Variants in OPA1 observed in about 807,000 individuals in gnomAD.
The protein encoded by OPA1 is OPA1 mitochondrial dynamin like GTPase.
OPA1 carries 59 observed loss-of-function variants against 152.9 expected under a neutral mutation model. The observed-to-expected ratio is 0.39, with a 90% CI of 0.31 to 0.48. OPA1 has a LOEUF of 0.48. Ranked by LOEUF, OPA1 falls within the 20% of genes least tolerant of loss-of-function variation. OPA1 has a pLI of 0.96. For synonymous variants in OPA1, 400 were observed against 389.9 expected (o/e 1.03, Z -0.31); for missense variants, 1,008 against 1,216.8 (o/e 0.83, Z 2.55).
chr3:193,637,191 A>G lies in OPA1; in HGVS notation c.949-4A>G, dbSNP rs747993602. 7.1e-6 allele frequency: 11 copies of G among 1,549,394 alleles called. No individual in the cohort carries two copies. The highest frequency in any genetic ancestry group is 2.3e-5 in the East Asian group (1 of 44,002). On this transcript the variant is annotated splice_polypyrimidine_tract_variant and splice_region_variant and intron_variant, in intron 9 of 30. Coordinates refer to ENST00000361510, the MANE Select transcript of OPA1 (RefSeq NM_130837.3). ...TATATTATAACTTTTTAAAATTTTT[A>G]CAGAAATCTTTGATTGACATGTATT...
intron 29 of OPA1, among the ~76,000 whole-genome samples, chr3:193,675,951 G>A (rs1233844008): frequency 6.6e-6 from 1 of 152,198 alleles, no homozygotes; most frequent in African/African-American, 2.4e-5. Context: ...TGTCTTGCCA[G>A]AAAGTTACTG....
intron 29 of OPA1, among the ~76,000 whole-genome samples, chr3:193,681,971 G>C (rs979074606): frequency 6.6e-6 from 1 of 152,154 alleles, no homozygotes; most frequent in African/African-American, 2.4e-5. Flanking sequence ...GAAAGAAAGA[G>C]TGCCATATTT....
At position 193,695,554 on chromosome 3, in the gene OPA1, G is replaced by A. The variant is rs1014980490; in HGVS notation, c.*954G>A. On this transcript the variant is annotated 3_prime_UTR_variant, in exon 31 of 31. Transcript: ENST00000361510. ...AGTAATGTTGACCATCCCCCTCTCA[G>A]CTGAATAAAGAAAAATTTAGTTCAA... 5 of 151,966 alleles carry A rather than the reference G, an allele frequency of 3.3e-5. No individual in the cohort carries two copies. Among genetic ancestry groups the A allele is most frequent in the African/African-American group, 1.2e-4 (5 of 41,356 alleles). The allele number at this position is 151,966 out of a possible 1,614,324, so 9.4% of individuals were successfully genotyped here.
chr3:193,678,801 T>G (rs1719623974), intron 29 of OPA1, among the ~76,000 whole-genome samples: 1 of 152,164 alleles, frequency 6.6e-6, no homozygotes, highest in Non-Finnish European at 1.5e-5. Context: ...GTGTATTCAT[T>G]ATATCCCCTT....
chr3:193,608,310 G>C (rs1727620650), intron 1 of OPA1, among the ~76,000 whole-genome samples: 1 of 152,082 alleles, frequency 6.6e-6, no homozygotes, highest in South Asian at 2.1e-4. Context: ...GTCAATTTTA[G>C]ATCTTTCCTA....
chr3:193,624,502 G>T (rs1041841972), intron 6 of OPA1, among the ~76,000 whole-genome samples: 2 of 151,972 alleles, frequency 1.3e-5, no homozygotes, highest in African/African-American at 2.4e-5. Context: ...AATAAATCAG[G>T]TTACTCTTCT....
chr3:193,672,316 A>G (rs1718108693), intron 29 of OPA1, among the ~76,000 whole-genome samples: 1 of 152,206 alleles, frequency 6.6e-6, no homozygotes, highest in Admixed American at 6.5e-5. Flanking sequence ...GTATCTGGGC[A>G]TCAATAACAA....
rs886412049 is a variant in OPA1 at position 193,648,175 on chromosome 3, T to G, written c.1935+41T>G. 4.1e-6 allele frequency: 6 copies of G among 1,463,136 alleles called. No individual in the cohort carries two copies. The Admixed American group carries it at 1.0e-4, about 24-fold the overall frequency. The allele number at this position is 1,463,136 out of a possible 1,614,324, so 90.6% of individuals were successfully genotyped here. On this transcript the variant is annotated intron_variant, in intron 20 of 30. Coordinates refer to ENST00000361510, the MANE Select transcript of OPA1 (RefSeq NM_130837.3). ...TCGTGTATTTTGTATATATCTTAAT[T>G]TAATGTTGTTTGCTAACTAAATTTA...
At chr3:193,627,633 G>C (rs1186241409) in intron 7 of OPA1, among the ~76,000 whole-genome samples, 1 of 152,020 alleles carries the variant, frequency 6.6e-6, no homozygotes, top group Admixed American at 6.6e-5. Context: ...AGTCCCATAG[G>C]CCTGCTATTT....
At position 193,691,998 on chromosome 3, in the gene OPA1, T is replaced by C. The variant is rs1179805275; in HGVS notation, c.2984-65T>C. On this transcript the variant is annotated intron_variant, in intron 29 of 30. Transcript: ENST00000361510. ...TTAAGTATACCAACCATTTAGTAAA[T>C]AATTACCTCCTGATTTGTGATACCT... 3.1e-6 allele frequency: 3 copies of C among 981,240 alleles called. No individual in the cohort carries two copies. The Admixed American group carries it at 6.3e-5, about 21-fold the overall frequency. The allele number at this position is 981,240 out of a possible 1,614,324, so 60.8% of individuals were successfully genotyped here. A position where few individuals can be genotyped will look rare whatever the true frequency, so the allele number is the denominator to read the frequency against.
rs769834896 is a variant in OPA1 at position 193,645,557 on chromosome 3, A to G, written c.1613A>G (p.Gln538Arg). The change falls in exon 17 of 31, where the codon CAG (glutamine) becomes CGG (arginine). Residue 538 changes from glutamine (Q) to arginine (R), a missense_variant. Physicochemically the swap from Gln to Arg is conservative, Grantham distance 43. Transcript: ENST00000361510. ...TTTTCCCACTTTTAAAAATAGATTC[A>G]GCAGATAATTGAAGGAAAGCTCTTC... is the stretch of plus-strand genomic sequence containing the variant. ...EKNVASPSRI[Q>R]QIIEGKLFPM... The G allele has an allele frequency of 2.5e-6, 4 of 1,611,312 alleles. No homozygotes were observed. The African/African-American group carries it at 5.3e-5, about 22-fold the overall frequency.
chr3:193,611,903 G>A (rs938305509), intron 1 of OPA1, among the ~76,000 whole-genome samples: 4 of 151,818 alleles, frequency 2.6e-5, no homozygotes, highest in African/African-American at 9.7e-5. Context: ...AAAATTTTAG[G>A]AACTGAATGT....
At chr3:193,618,479 C>G (rs1343423265) in intron 5 of OPA1, 1 of 211,886 alleles carries the variant, frequency 4.7e-6, no homozygotes. Flanking sequence ...CTCTGCCCCC[C>G]ACCCCCAAAA....
rs780295574 is a variant in OPA1, at chr3:193,648,790, C to T, written c.1936-5C>T. 1.3e-6 allele frequency: 2 copies of T among 1,566,288 alleles called. No homozygotes were observed. Among genetic ancestry groups the T allele is most frequent in the Middle Eastern group, 1.7e-4 (1 of 5,958 alleles). On this transcript the variant is annotated splice_region_variant and splice_polypyrimidine_tract_variant and intron_variant, in intron 20 of 30. Coordinates refer to ENST00000361510, the MANE Select transcript of OPA1 (RefSeq NM_130837.3). The stretch of plus-strand genomic sequence containing the variant: ...ATCTTACTTACTTGTATTTATATTG[C>T]CTAGAATGAACTATTTGAAAAAGCT...
chr3:193,651,250 A>G (rs1712361024), intron 21 of OPA1, among the ~76,000 whole-genome samples: 1 of 152,212 alleles, frequency 6.6e-6, no homozygotes. Flanking sequence ...GCAAAATGGA[A>G]TACAGGCGGA....
At chr3:193,665,782 AC>A (rs1716386121) in intron 27 of OPA1, among the ~76,000 whole-genome samples, 1 of 152,148 alleles carries the variant, frequency 6.6e-6, no homozygotes, top group Non-Finnish European at 1.5e-5. Flanking sequence ...TGTAGAGTGA[AC>A]TTCTTTCTAT....
chr3:193,667,489 TG>T (rs764116168), intron 29 of OPA1: 41 of 544,718 alleles, frequency 7.5e-5, no homozygotes, highest in Admixed American at 1.6e-4. Flanking sequence ...GCTAACACAG[TG>T]AAACCCCGTC....
At chr3:193,604,961 A>G (rs752908609) in intron 1 of OPA1, among the ~76,000 whole-genome samples, 1 of 152,166 alleles carries the variant, frequency 6.6e-6, no homozygotes, top group African/African-American at 2.4e-5. Flanking sequence ...AAACTGAGTC[A>G]ATTTCCGGGC....
chr3:193,632,025 C>T (rs1732159380), intron 8 of OPA1, among the ~76,000 whole-genome samples: 1 of 152,162 alleles, frequency 6.6e-6, no homozygotes, highest in African/African-American at 2.4e-5. Context: ...CTCTCAGGAA[C>T]CTTTACTTTG....
Sources: allele counts gnomAD v4.1 joint callset (sites outside exome capture counted in the v4.1 genomes callset), GRCh38; gene constraint gnomAD v4.1.1; transcripts MANE v1.5; gene names NCBI Gene and HGNC (gene_info 2026-07-23, HGNC 2026-07-21).